IL3RA: variants seen among roughly 807,000 people sequenced by gnomAD.
The protein encoded by IL3RA is interleukin 3 receptor subunit alpha.
Under a neutral mutation model 52.3 loss-of-function variants are expected in IL3RA, and 73 were observed. The observed-to-expected ratio is 1.40, with a 90% CI of 1.16 to 1.70. The LOEUF is 1.70. Ranked by LOEUF, IL3RA falls within the 40% of genes most tolerant of loss-of-function variation. The pLI, the probability that IL3RA is intolerant of heterozygous loss-of-function variation, is 0.00. For synonymous variants in IL3RA, 260 were observed against 194.0 expected (o/e 1.34, Z -2.83); for missense variants, 664 against 504.4 (o/e 1.32, Z -3.03).
At chrX:1,337,330 A>G (rs1208456069) in intron 1 of IL3RA, among the ~76,000 whole-genome samples, 4 of 152,196 alleles carry the variant, frequency 2.6e-5, no homozygotes, top group Non-Finnish European at 4.4e-5. Context: ...GCTCACGCCC[A>G]GGGCGAGCTG....
intron 8 of IL3RA, among the ~76,000 whole-genome samples, chrX:1,359,907 CTG>C (rs2087063210): frequency 7.0e-6 from 1 of 143,776 alleles, no homozygotes; most frequent in African/African-American, 2.6e-5. Context: ...CTCCATCTCT[CTG>C]TCTCTCCCTG....
chrX:1,348,508 C>G lies in IL3RA; in HGVS notation c.261C>G (p.Asn87Lys), dbSNP rs752222459. ...CCAACTACACCGTCCGAGTGGCCAA[C>G]CCACCATTCTCCACGTGGATCCTCT... ...EVTNYTVRVA[N>K]PPFSTWILFP... Residue 87 changes from asparagine (N) to lysine (K), a missense_variant, in exon 4 of 12, where the codon AAC (asparagine) becomes AAG (lysine). Transcript: ENST00000331035. The G allele has an allele frequency of 6.2e-7, 1 of 1,613,828 alleles. No homozygotes were observed. The highest frequency in any genetic ancestry group is 1.1e-5 in the South Asian group (1 of 91,070).
intron 2 of IL3RA, among the ~76,000 whole-genome samples, chrX:1,342,198 C>T (rs17879898): frequency 0.023 from 3,440 of 152,108 alleles, 42 homozygotes; most frequent in Middle Eastern, 0.027. Flanking sequence ...CAGGGTCTTA[C>T]TGTCTTGCCC....
rs763371992 is a variant in IL3RA at position 1,352,887 on chromosome X, C to T, written c.616+381C>T. ...TCCCATCATGGGTCATAGAATCCCCCATGATGGGTTTCATCATGAGTCATA... is the reference window on the plus strand; with the variant it reads ...TCCCATCATGGGTCATAGAATCCCCTATGATGGGTTTCATCATGAGTCATA... On this transcript the variant is annotated intron_variant, in intron 6 of 11. Transcript: ENST00000331035. 6.8e-4 allele frequency among the ~76,000 whole-genome samples: 32 copies of T among 47,004 alleles called. 2 individuals are homozygous for T. The highest frequency in any genetic ancestry group is 3.7e-3 in the South Asian group (6 of 1,610). 30.8% of individuals were successfully genotyped at this position (47,004 alleles called of 152,430 possible). A position where few individuals can be genotyped will look rare whatever the true frequency, so the allele number is the denominator to read the frequency against.
chrX:1,339,394 A>C (rs1254018708), intron 1 of IL3RA, among the ~76,000 whole-genome samples: 3 of 152,232 alleles, frequency 2.0e-5, no homozygotes, highest in Non-Finnish European at 4.4e-5. Context: ...TGCTGCCCTC[A>C]GTCCCGTCCC....
intron 10 of IL3RA, among the ~76,000 whole-genome samples, chrX:1,379,816 A>G (rs1225356530): frequency 5.3e-5 from 8 of 151,976 alleles, no homozygotes; most frequent in Non-Finnish European, 1.0e-4. Context: ...CTGGAGTGCA[A>G]TGGCGCCATC....
chrX:1,341,871 G>A, intron 2 of IL3RA, 42 bp downstream of exon 2: 2 of 1,598,754 alleles, frequency 1.3e-6, no homozygotes, highest in Admixed American at 1.7e-5. Context: ...CTGGGGAGCG[G>A]TGGGGGTAGA....
At chrX:1,361,946 T>A (rs1195442584) in intron 8 of IL3RA, among the ~76,000 whole-genome samples, 1 of 151,950 alleles carries the variant, frequency 6.6e-6, no homozygotes, top group Non-Finnish European at 1.5e-5. Flanking sequence ...AGATGAGATT[T>A]GGGTGGGGAC....
At chrX:1,348,002 A>C (rs1306673174) in intron 3 of IL3RA, among the ~76,000 whole-genome samples, 2 of 138,074 alleles carry the variant, frequency 1.4e-5, no homozygotes, top group African/African-American at 2.7e-5. Flanking sequence ...GCGCCCCTGC[A>C]CTCCAGCCTG....
chrX:1,366,634 T>G (rs1459439835), intron 9 of IL3RA, among the ~76,000 whole-genome samples: 1 of 13,864 alleles, frequency 7.2e-5, no homozygotes, highest in Non-Finnish European at 1.2e-4. Context: ...GTGAGCCGGG[T>G]GCGCGGGGTG....
At chrX:1,345,112 G>A (rs1454063574) in intron 2 of IL3RA, among the ~76,000 whole-genome samples, 4 of 151,354 alleles carry the variant, frequency 2.6e-5, no homozygotes, top group Non-Finnish European at 5.9e-5. Flanking sequence ...AGCTTGCAGT[G>A]AGCTGAGATC....
At chrX:1,341,672 C>T (rs1228232450) in intron 1 of IL3RA, 56 bp from the exon 2 acceptor site, 19 of 1,427,766 alleles carry the variant, frequency 1.3e-5, no homozygotes, top group Non-Finnish European at 1.7e-5. Context: ...TCCTTCATTA[C>T]CCGCAACCCA....
chrX:1,338,895 G>C (rs1440243385), intron 1 of IL3RA, among the ~76,000 whole-genome samples: 1 of 152,112 alleles, frequency 6.6e-6, no homozygotes, highest in Admixed American at 6.6e-5. Flanking sequence ...CACCTCCCGG[G>C]TTCAAGCAAT....
intron 8 of IL3RA, among the ~76,000 whole-genome samples, chrX:1,360,961 CCCT>C (rs2149075846): frequency 4.0e-5 from 4 of 100,854 alleles, no homozygotes; most frequent in African/African-American, 2.0e-4. Flanking sequence ...GTCTCTCTCT[CCCT>C]TCCCCTCTCT....
rs1280153487 is a variant in IL3RA at position 1,361,089 on chromosome X, CTCTG to C, written c.759+2206_759+2209del. ...TCTCTGTCTCTCTCTCCCTTCCCCT[CTCTG>C]TCTCTCTCTCCCTTCCCCTCTCTGT... On this transcript the variant is annotated intron_variant, in intron 8 of 11. Transcript: ENST00000331035. Among the ~76,000 whole-genome samples the C allele has an allele frequency of 1.2e-4, 14 of 114,088 alleles. No homozygotes were observed. In the South Asian group the frequency reaches 2.6e-3, roughly 22 times the overall value. 74.8% of individuals were successfully genotyped at this position (114,088 alleles called of 152,430 possible).
chrX:1,380,987 T>C (rs1229222175), intron 10 of IL3RA, 36 bp from the exon 11 acceptor site: 1 of 1,582,762 alleles, frequency 6.3e-7, no homozygotes, highest in Non-Finnish European at 8.7e-7. Context: ...TGGTCGGTTT[T>C]GGGTTCAGAG....
intron 4 of IL3RA, among the ~76,000 whole-genome samples, chrX:1,351,473 G>A (rs1488516655): frequency 2.7e-5 from 4 of 150,694 alleles, no homozygotes; most frequent in Admixed American, 1.3e-4. Flanking sequence ...GGATTACAGC[G>A]GCCCGACATC....
At chrX:1,374,481 T>C (rs1464669423) in intron 9 of IL3RA, among the ~76,000 whole-genome samples, 41 of 2,226 alleles carry the variant, frequency 0.018, no homozygotes, top group Non-Finnish European at 0.024. Context: ...GACTAAGACA[T>C]CTCATAAGAA....
At chrX:1,378,607 G>A (rs1410737988) in intron 9 of IL3RA, 52 bp from the exon 10 acceptor site, 14 of 1,490,932 alleles carry the variant, frequency 9.4e-6, no homozygotes, top group Non-Finnish European at 1.2e-5. Flanking sequence ...TACAGTCCCT[G>A]GTCCCCCCAG....
Sources: allele counts gnomAD v4.1 joint callset (sites outside exome capture counted in the v4.1 genomes callset), GRCh38; gene constraint gnomAD v4.1.1; transcripts MANE v1.5; gene names NCBI Gene and HGNC (gene_info 2026-07-23, HGNC 2026-07-21).